The following PLD1 variants were observed in gnomAD, a reference collection of about 807,000 sequenced individuals.
PLD1 encodes the protein choline phosphatase 1.
Under a neutral mutation model 137.1 loss-of-function variants are expected in PLD1, and 112 were observed. That is an observed-to-expected ratio of 0.82 (90% CI 0.70 to 0.96). PLD1 has a LOEUF of 0.96. PLD1 is among the 40% of genes least tolerant of loss of function. The pLI is 0.00. For missense variants in PLD1, 1,321 were observed against 1,342.0 expected (o/e 0.98, Z 0.24); for synonymous variants, 431 against 454.7 (o/e 0.95, Z 0.66).
At chr3:171,724,994 GC>G (rs1718399472) in intron 7 of PLD1, among the ~76,000 whole-genome samples, 1 of 152,100 alleles carries the variant, frequency 6.6e-6, no homozygotes. Context: ...GTGAGATATA[GC>G]CCCTTCAGCA....
chr3:171,677,980 T>C, intron 16 of PLD1: 1 of 221,270 alleles, frequency 4.5e-6, no homozygotes, highest in African/African-American at 2.3e-5. Context: ...ACCAGATCAC[T>C]GGAAGAACTA....
intron 20 of PLD1, 23 bp downstream of exon 20, chr3:171,662,037 G>T: frequency 4.3e-6 from 6 of 1,379,546 alleles, no homozygotes; most frequent in Non-Finnish European, 6.2e-6. Flanking sequence ...TTTCTCACAC[G>T]AATTTACATG....
At chr3:171,614,204 C>T (rs994480218) in intron 24 of PLD1, among the ~76,000 whole-genome samples, 6 of 152,168 alleles carry the variant, frequency 3.9e-5, no homozygotes, top group African/African-American at 1.4e-4. Flanking sequence ...GAGCACCCTA[C>T]AGAAATGTGA....
At chr3:171,616,672 A>G (rs1733136908) in intron 24 of PLD1, among the ~76,000 whole-genome samples, 1 of 152,170 alleles carries the variant, frequency 6.6e-6, no homozygotes, top group Non-Finnish European at 1.5e-5. Flanking sequence ...AGGGGCTGTG[A>G]GCCAAGGAAT....
At chr3:171,798,727 C>T (rs1723524599) in intron 1 of PLD1, among the ~76,000 whole-genome samples, 1 of 152,140 alleles carries the variant, frequency 6.6e-6, no homozygotes, top group African/African-American at 2.4e-5. Context: ...TATTTGATTG[C>T]AACAGAAAAC....
intron 1 of PLD1, among the ~76,000 whole-genome samples, chr3:171,807,583 TA>T (rs1723904494): frequency 6.6e-6 from 1 of 152,164 alleles, no homozygotes; most frequent in Non-Finnish European, 1.5e-5. Flanking sequence ...AAAAATTTTT[TA>T]AAAAAACATC....
intron 11 of PLD1, among the ~76,000 whole-genome samples, chr3:171,706,629 G>A (rs1716716484): frequency 6.6e-6 from 1 of 151,946 alleles, no homozygotes; most frequent in Non-Finnish European, 1.5e-5. Context: ...TTAACATACT[G>A]ACTCCATACA....
chr3:171,748,051 A>G lies in PLD1; in HGVS notation c.-31-9969T>C, dbSNP rs774606420. 3.3e-5 allele frequency among the ~76,000 whole-genome samples: 5 copies of G among 152,362 alleles called. No individual in the cohort carries two copies. The East Asian group carries it at 7.7e-4, about 23-fold the overall frequency. On this transcript the variant is annotated intron_variant, in intron 1 of 26. Transcript: ENST00000351298. ...CATTACTAAATGTTAGAAAAACAAC[A>G]TATTCTAAGTGACATCACCCAGAAG...
intron 17 of PLD1, 132 bp downstream of exon 17, chr3:171,677,434 A>C (rs1217650089): frequency 1.7e-5 from 15 of 867,322 alleles, no homozygotes; most frequent in Non-Finnish European, 2.6e-5. Flanking sequence ...CTAGTCTCCA[A>C]AGTTTTAAAA....
At chr3:171,757,444 G>T (rs1025391983) in intron 1 of PLD1, among the ~76,000 whole-genome samples, 2 of 152,112 alleles carry the variant, frequency 1.3e-5, no homozygotes, top group Non-Finnish European at 2.9e-5. Context: ...CACAAAGCAG[G>T]AATACCCAGC....
chr3:171,800,814 C>G (rs1014154721), intron 1 of PLD1, among the ~76,000 whole-genome samples: 4 of 152,210 alleles, frequency 2.6e-5, no homozygotes, highest in Admixed American at 1.3e-4. Flanking sequence ...TGCCTTTTCA[C>G]TAACCCGTCA....
At chr3:171,759,213 C>A (rs1392942143) in intron 1 of PLD1, among the ~76,000 whole-genome samples, 1 of 152,010 alleles carries the variant, frequency 6.6e-6, no homozygotes, top group Non-Finnish European at 1.5e-5. Flanking sequence ...ATGCCTTATT[C>A]AGGCAGAAGG....
At chr3:171,679,098 G>A (rs777802864) in intron 16 of PLD1, among the ~76,000 whole-genome samples, 25 of 152,110 alleles carry the variant, frequency 1.6e-4, no homozygotes, top group Non-Finnish European at 2.5e-4. Context: ...TCCCCTGCCC[G>A]CATCAATGCC....
intron 1 of PLD1, among the ~76,000 whole-genome samples, chr3:171,752,768 A>G (rs1720750859): frequency 6.6e-6 from 1 of 152,258 alleles, no homozygotes; most frequent in Non-Finnish European, 1.5e-5. Flanking sequence ...CTTAGAAAGA[A>G]TAGAAATTAA....
At chr3:171,625,688 G>A (rs1734041893) in intron 23 of PLD1, among the ~76,000 whole-genome samples, 1 of 152,184 alleles carries the variant, frequency 6.6e-6, no homozygotes, top group Non-Finnish European at 1.5e-5. Context: ...AGTATTCGCG[G>A]TTCACAAAAA....
intron 18 of PLD1, 119 bp downstream of exon 18, chr3:171,676,596 G>A: frequency 1.3e-6 from 1 of 771,202 alleles, no homozygotes; most frequent in Non-Finnish European, 2.2e-6. Flanking sequence ...CAACAGCAGA[G>A]CAGTGACACA....
intron 1 of PLD1, among the ~76,000 whole-genome samples, chr3:171,773,834 C>T (rs567641655): frequency 4.6e-5 from 7 of 152,122 alleles, no homozygotes; most frequent in Non-Finnish European, 1.0e-4. Context: ...CTGCAACCTC[C>T]GCCTCCTGGG....
chr3:171,620,998 A>G (rs1733587934), intron 23 of PLD1, among the ~76,000 whole-genome samples: 1 of 151,920 alleles, frequency 6.6e-6, no homozygotes, highest in Admixed American at 6.6e-5. Context: ...GTGTGTGCCA[A>G]ACCACCTGAT....
intron 23 of PLD1, among the ~76,000 whole-genome samples, chr3:171,622,351 T>C (rs2108299988): frequency 6.6e-6 from 1 of 152,298 alleles, no homozygotes; most frequent in Non-Finnish European, 1.5e-5. Flanking sequence ...CCCGAGGGGA[T>C]ATTGTTTCTG....
Sources: gnomAD v4.1 joint callset for allele counts (sites outside exome capture counted in the v4.1 genomes callset) on GRCh38, gnomAD v4.1.1 for gene constraint, MANE v1.5 for transcripts, NCBI Gene and HGNC (gene_info 2026-07-23, HGNC 2026-07-21) for gene names.